Variants in SRP14 observed in about 807,000 individuals in gnomAD.
SRP14 encodes the protein signal recognition particle 14 kDa protein.
A neutral mutation model predicts 16.0 loss-of-function variants in SRP14; 1 was observed. The observed-to-expected ratio is 0.06, with a 90% CI of 0.02 to 0.30. The LOEUF (loss-of-function observed/expected upper bound fraction) is 0.30. Ranked by LOEUF, SRP14 falls within the 10% of genes least tolerant of loss-of-function variation. The pLI is 1.00. For synonymous variants in SRP14, 67 were observed against 60.1 expected (o/e 1.12, Z -0.53); for missense variants, 120 against 163.1 (o/e 0.74, Z 1.44).
In SRP14 at chr15:40,036,404, C is replaced by G. The variant is rs777733445; in HGVS notation, c.340G>C (p.Ala114Pro). 1.9e-6 allele frequency: 3 copies of G among 1,608,410 alleles called. No homozygotes were observed. Among genetic ancestry groups the G allele is most frequent in the Non-Finnish European group, 2.5e-6 (3 of 1,176,990 alleles). Residue 114 changes from alanine to proline, a missense_variant, in exon 5 of 5, where the codon GCA becomes CCA. Ala to Pro is a conservative substitution (Grantham distance 27). Transcript: ENST00000267884. ...KKTKAAAAAA[A>P]AAPAAAATAP... ...GTTGCTGCTGCGGCAGGTGCTGCTG[C>G]TGCTGCTGCTGCTGCTGCTTTGGTC...
intron 4 of SRP14, 22 bp downstream of exon 4, chr15:40,036,964 A>T: frequency 6.2e-7 from 1 of 1,613,946 alleles, no homozygotes; most frequent in Non-Finnish European, 8.5e-7. Flanking sequence ...GAAGGGAAAC[A>T]TAAGGAACAC....
chr15:40,038,660 T>G (rs2035669398), intron 2 of SRP14: 4 of 617,396 alleles, frequency 6.5e-6, no homozygotes, highest in Non-Finnish European at 1.1e-5. Context: ...CTGGGCTGCT[T>G]GGGGCCCATT....
intron 3 of SRP14, among the ~76,000 whole-genome samples, chr15:40,037,954 C>G (rs960228399): frequency 2.6e-5 from 4 of 152,200 alleles, no homozygotes; most frequent in Admixed American, 2.6e-4. Flanking sequence ...CACCTGGTAC[C>G]AAGAAACTGC....
chr15:40,038,226 C>T (rs1370317584), intron 3 of SRP14, 56 bp downstream of exon 3: 1 of 1,395,618 alleles, frequency 7.2e-7, no homozygotes, highest in Admixed American at 1.7e-5. Context: ...ACGCCCCATC[C>T]TCTGTTAAGT....
intron 3 of SRP14, 112 bp downstream of exon 3, chr15:40,038,170 G>C (rs1183397921): frequency 3.7e-6 from 3 of 816,658 alleles, no homozygotes; most frequent in Non-Finnish European, 6.0e-6. Flanking sequence ...CTCAAAAATA[G>C]CCACACAGGG....
upstream of SRP14, chr15:40,039,198 C>G (rs1044798242): frequency 2.7e-6 from 4 of 1,501,774 alleles, no homozygotes; most frequent in Admixed American, 7.7e-5. Context: ...GGCGGGACTT[C>G]CGCTACTAGA....
chr15:40,036,759 G>A, intron 4 of SRP14: 1 of 640,152 alleles, frequency 1.6e-6, no homozygotes, highest in South Asian at 2.0e-5. Context: ...TTCAACTATA[G>A]TATAGGTAGC....
At chr15:40,038,808 C>G in intron 2 of SRP14, 68 bp downstream of exon 2, 1 of 1,557,982 alleles carries the variant, frequency 6.4e-7, no homozygotes, top group Non-Finnish European at 8.8e-7. Context: ...CCGCGGCAGA[C>G]AGACTCCGGT....
In SRP14 at chr15:40,035,980, G is replaced by A. The variant is rs1280881490; in HGVS notation, c.*353C>T. The A allele has an allele frequency of 2.0e-5, 5 of 246,204 alleles. No individual in the cohort carries two copies. In the East Asian group the frequency reaches 4.4e-4, roughly 22 times the overall value. The allele number at this position is 246,204 out of a possible 1,614,324, so 15.3% of individuals were successfully genotyped here. On this transcript the variant is annotated 3_prime_UTR_variant, in exon 5 of 5. Coordinates refer to ENST00000267884, the MANE Select transcript of SRP14 (RefSeq NM_003134.6). ...CCTATTCATTAATCACATCATTCTA[G>A]ATTTAGTAGTTATTGCCAGAACTAT...
chr15:40,036,801 T>TA, intron 4 of SRP14, 185 bp downstream of exon 4: 2 of 710,308 alleles, frequency 2.8e-6, no homozygotes, highest in Admixed American at 2.7e-5. Flanking sequence ...AAATCTAACT[T>TA]AAAAAAACTA....
Position 40,036,401 on chromosome 15 carries a change from C to T in SRP14, c.343G>A (p.Ala115Thr). ...KTKAAAAAAA[A>T]APAAAATAPT... ...GCTGTTGCTGCTGCGGCAGGTGCTGCTGCTGCTGCTGCTGCTGCTGCTTTG... is the reference window on the plus strand; with the variant it reads ...GCTGTTGCTGCTGCGGCAGGTGCTGTTGCTGCTGCTGCTGCTGCTGCTTTG... The change falls in exon 5 of 5, where the codon GCA (alanine) becomes ACA (threonine). Residue 115 changes from alanine (A) to threonine (T), a missense_variant. Coordinates refer to ENST00000267884, the MANE Select transcript of SRP14 (RefSeq NM_003134.6). 2 of 1,598,750 alleles carry T rather than the reference C, an allele frequency of 1.3e-6. No homozygotes were observed. The highest frequency in any genetic ancestry group is 1.7e-6 in the Non-Finnish European group (2 of 1,169,530).
chr15:40,037,303 T>A, intron 3 of SRP14: 1 of 630,962 alleles, frequency 1.6e-6, no homozygotes, highest in Non-Finnish European at 2.0e-6. Flanking sequence ...AAGCTTTGTT[T>A]CTCACCTCTT....
Position 40,036,423 on chromosome 15 carries a change from T to C in SRP14, c.321A>G (p.Lys107=). 6.2e-7 allele frequency: 1 copy of C among 1,614,200 alleles called. No individual in the cohort carries two copies. Among genetic ancestry groups the C allele is most frequent in the Non-Finnish European group, 8.5e-7 (1 of 1,180,018 alleles). The change falls in exon 5 of 5, where the codon AAA becomes AAG. Residue 107 remains lysine (K), a synonymous_variant. Transcript: ENST00000267884. The part of the protein sequence containing the change: ...RDKKNKTKKT[K]AAAAAAAAAP... ...CTGCTGCTGCTGCTGCTGCTGCTGCTTTGGTCTTCTTAGTTTTGTTCTTTT... is the reference window on the plus strand; with the variant it reads ...CTGCTGCTGCTGCTGCTGCTGCTGCCTTGGTCTTCTTAGTTTTGTTCTTTT...
At chr15:40,038,443 G>C (rs1390437423) in intron 2 of SRP14, 49 bp from the exon 3 acceptor site, 1 of 1,302,054 alleles carries the variant, frequency 7.7e-7, no homozygotes, top group Non-Finnish European at 1.1e-6. Flanking sequence ...ACGTGGCTGA[G>C]CGGCAGACAA....
intron 1 of SRP14, 21 bp from the exon 2 acceptor site, chr15:40,038,969 C>A: frequency 6.8e-6 from 11 of 1,608,628 alleles, no homozygotes; most frequent in Non-Finnish European, 8.5e-6. Flanking sequence ...ACAGGCCCAG[C>A]CCCGTTAGCC....
Position 40,036,372 on chromosome 15 carries a change from T to TGCTGCTGTTGCTGCTGCGGCA in SRP14, c.371_372insTGCCGCAGCAGCAACAGCAGC (p.Pro124_Thr125insAlaAlaAlaAlaThrAlaAla), listed in dbSNP as rs752127005. 9 of 1,600,356 alleles carry TGCTGCTGTTGCTGCTGCGGCA rather than the reference T, an allele frequency of 5.6e-6. No individual in the cohort carries two copies. The highest frequency in any genetic ancestry group is 3.3e-5 in the South Asian group (3 of 89,990). On this transcript the variant is annotated inframe_insertion, in exon 5 of 5. Transcript: ENST00000267884. ...TTGCTGCTGTTGTTGCTGCTGTTGT[T>TGCTGCTGTTGCTGCTGCGGCA]GGTGCTGTTGCTGCTGCGGCAGGTG...
chr15:40,037,122 C>T, intron 3 of SRP14, 104 bp from the exon 4 acceptor site: 2 of 1,345,196 alleles, frequency 1.5e-6, no homozygotes, highest in Non-Finnish European at 2.0e-6. Context: ...ATATCCTTAT[C>T]TTTAAAATAC....
intron 3 of SRP14, 52 bp downstream of exon 3, chr15:40,038,230 G>A: frequency 7.0e-7 from 1 of 1,435,594 alleles, no homozygotes; most frequent in Non-Finnish European, 9.8e-7. Flanking sequence ...CCCATCCTCT[G>A]TTAAGTTCAA....
chr15:40,039,144 G>A lies in SRP14; in HGVS notation c.-28C>T, dbSNP rs772700990. 3.7e-6 allele frequency: 6 copies of A among 1,605,286 alleles called. No homozygotes were observed. In the South Asian group the frequency reaches 4.5e-5, roughly 12 times the overall value. The stretch of plus-strand genomic sequence containing the variant: ...CGGCGACGCTGGCTCGACTCCCTCC[G>A]CTTAAGCCCCTAGCAGTGAGAGCCG... On this transcript the variant is annotated 5_prime_UTR_variant, in exon 1 of 5. Coordinates refer to ENST00000267884, the MANE Select transcript of SRP14 (RefSeq NM_003134.6).
Sources: allele counts gnomAD v4.1 joint callset (sites outside exome capture counted in the v4.1 genomes callset), GRCh38; gene constraint gnomAD v4.1.1; transcripts MANE v1.5; gene names NCBI Gene and HGNC (gene_info 2026-07-23, HGNC 2026-07-21).